PRKN: variants seen among roughly 807,000 people sequenced by gnomAD.
PRKN encodes E3 ubiquitin-protein ligase parkin.
Under a neutral mutation model 59.5 loss-of-function variants are expected in PRKN, and 56 were observed. That is an observed-to-expected ratio of 0.94 (90% confidence interval 0.76 to 1.18). The LOEUF (loss-of-function observed/expected upper bound fraction) is 1.18, where lower values mean the gene tolerates loss of function less well. Ranked by LOEUF, PRKN falls within the 50% of genes most tolerant of loss-of-function variation. PRKN has a pLI of 0.00. For synonymous variants in PRKN, 250 were observed against 222.1 expected, an observed-to-expected ratio of 1.13 and a Z score of -1.12; for missense variants, 657 against 596.4, an observed-to-expected ratio of 1.10 and a Z score of -1.06.
chr6:162,093,121 A>G (rs1157019873), intron 4 of PRKN, among the ~76,000 whole-genome samples: 1 of 152,210 alleles, frequency 6.6e-6, no homozygotes, highest in African/African-American at 2.4e-5. Flanking sequence ...CCAGGCCTAC[A>G]GATAGGGCTA....
intron 7 of PRKN, among the ~76,000 whole-genome samples, chr6:161,639,449 G>A (rs920113701): frequency 5.9e-5 from 9 of 152,094 alleles, no homozygotes; most frequent in Admixed American, 1.3e-4. Flanking sequence ...TCCTGGCCTC[G>A]CCTGTACTCC....
intron 7 of PRKN, among the ~76,000 whole-genome samples, chr6:161,614,812 C>T (rs568186245): frequency 1.3e-5 from 2 of 152,308 alleles, no homozygotes; most frequent in South Asian, 4.1e-4. Flanking sequence ...TCCTTTCCCC[C>T]ACCCTTAATC....
chr6:161,746,778 TATATCTAGAATCTAGATATGCACAGAC>T (rs1562651670), intron 7 of PRKN, among the ~76,000 whole-genome samples: 5 of 144,626 alleles, frequency 3.5e-5, no homozygotes, highest in African/African-American at 1.3e-4. Context: ...TATATATGTC[TATATCTAGAATCTAGATATGCACAGAC>T]ATATATATCT....
At chr6:161,755,380 C>T (rs1788872327) in intron 7 of PRKN, among the ~76,000 whole-genome samples, 1 of 152,040 alleles carries the variant, frequency 6.6e-6, no homozygotes, top group African/African-American at 2.4e-5. Flanking sequence ...AACATCATCA[C>T]TCCCAGATAG....
At chr6:162,451,427 A>G (rs1488390646) in intron 1 of PRKN, among the ~76,000 whole-genome samples, 2 of 151,906 alleles carry the variant, frequency 1.3e-5, no homozygotes, top group African/African-American at 4.8e-5. Context: ...TCAGAGAAAT[A>G]GAAATTATAA....
chr6:162,453,400 A>C (rs2128171779), intron 1 of PRKN, among the ~76,000 whole-genome samples: 1 of 152,276 alleles, frequency 6.6e-6, no homozygotes, highest in African/African-American at 2.4e-5. Flanking sequence ...ATTATTTAGT[A>C]GAAACCACAT....
intron 9 of PRKN, among the ~76,000 whole-genome samples, chr6:161,507,257 A>G (rs918290174): frequency 6.6e-6 from 1 of 152,134 alleles, no homozygotes; most frequent in African/African-American, 2.4e-5. Context: ...TCAGCCTAAG[A>G]TTCTGTGGGG....
intron 9 of PRKN, among the ~76,000 whole-genome samples, chr6:161,535,673 G>T (rs912104110): frequency 8.5e-5 from 13 of 152,222 alleles, no homozygotes; most frequent in Admixed American, 6.5e-5. Context: ...GCTACTTCCA[G>T]ATTTGACCTT....
Position 161,744,528 on chromosome 6 carries a change from G to A in PRKN, c.871+41244C>T, listed in dbSNP as rs538095241. Among the ~76,000 whole-genome samples the A allele has an allele frequency of 7.2e-5, 11 of 152,238 alleles. No individual in the cohort carries two copies. The East Asian group carries it at 1.5e-3, about 21-fold the overall frequency. On this transcript the variant is annotated intron_variant, in intron 7 of 11. Transcript: ENST00000366898. Reference sequence around the variant, plus strand: ...CGGTTGCTCCATGGCCCAGGGCTTCGAGATCCCTGCCCTAGAGACTATATT... The same window carrying A: ...CGGTTGCTCCATGGCCCAGGGCTTCAAGATCCCTGCCCTAGAGACTATATT...
At chr6:162,583,667 C>G (rs1171251789) in intron 1 of PRKN, among the ~76,000 whole-genome samples, 1 of 152,110 alleles carries the variant, frequency 6.6e-6, no homozygotes, top group Non-Finnish European at 1.5e-5. Context: ...GGCAGCCATT[C>G]TAAAGAGTTA....
intron 4 of PRKN, among the ~76,000 whole-genome samples, chr6:162,127,705 A>G (rs1040904757): frequency 8.5e-5 from 13 of 152,364 alleles, no homozygotes; most frequent in African/African-American, 3.1e-4. Context: ...ACTTTGAATA[A>G]CACATTGTAA....
chr6:161,969,977 C>T (rs1332883290), intron 6 of PRKN, among the ~76,000 whole-genome samples: 4 of 152,206 alleles, frequency 2.6e-5, no homozygotes, highest in Admixed American at 1.3e-4. Flanking sequence ...CATATCCCCA[C>T]ATAACGGAAT....
intron 9 of PRKN, among the ~76,000 whole-genome samples, chr6:161,478,399 A>G (rs1178927129): frequency 1.3e-5 from 2 of 152,264 alleles, no homozygotes; most frequent in African/African-American, 2.4e-5. Flanking sequence ...TATTAATAAA[A>G]TAACACAAGT....
At chr6:161,537,530 C>T (rs1779457356) in intron 9 of PRKN, among the ~76,000 whole-genome samples, 1 of 151,636 alleles carries the variant, frequency 6.6e-6, no homozygotes, top group Admixed American at 6.6e-5. Context: ...CGGCTCACTG[C>T]AAGCTCTGCC....
intron 5 of PRKN, among the ~76,000 whole-genome samples, chr6:162,046,724 T>G (rs1189302787): frequency 6.6e-6 from 1 of 152,216 alleles, no homozygotes; most frequent in Non-Finnish European, 1.5e-5. Context: ...AGAAGTTATG[T>G]CATGGTTATC....
chr6:162,690,418 T>C (rs1777732404), intron 1 of PRKN, among the ~76,000 whole-genome samples: 2 of 152,188 alleles, frequency 1.3e-5, no homozygotes, highest in Non-Finnish European at 2.9e-5. Flanking sequence ...TCGCTTCCTC[T>C]TAGTTAAGAG....
At chr6:161,811,500 G>A (rs1264450509) in intron 6 of PRKN, among the ~76,000 whole-genome samples, 1 of 152,130 alleles carries the variant, frequency 6.6e-6, no homozygotes, top group African/African-American at 2.4e-5. Flanking sequence ...AATATACGGG[G>A]CTTGGACAAG....
chr6:162,166,432 G>A (rs925034257), intron 4 of PRKN, among the ~76,000 whole-genome samples: 1 of 152,146 alleles, frequency 6.6e-6, no homozygotes, highest in Non-Finnish European at 1.5e-5. Flanking sequence ...TCTCTGGGGG[G>A]TGATAATGCT....
intron 5 of PRKN, among the ~76,000 whole-genome samples, chr6:161,999,710 A>C (rs1253974522): frequency 5.9e-5 from 9 of 152,084 alleles, no homozygotes; most frequent in Non-Finnish European, 1.3e-4. Context: ...TTTTGTTACC[A>C]AGACTAATGC....
Sources: allele counts gnomAD v4.1 joint callset (sites outside exome capture counted in the v4.1 genomes callset), GRCh38; gene constraint gnomAD v4.1.1; transcripts MANE v1.5; gene names NCBI Gene and HGNC (gene_info 2026-07-23, HGNC 2026-07-21).